CCDC149: variants seen among roughly 807,000 people sequenced by gnomAD.
The protein encoded by CCDC149 is coiled-coil domain containing 149.
A neutral mutation model predicts 59.9 loss-of-function variants in CCDC149; 45 were observed. The ratio of observed to expected loss-of-function variants is 0.75; its 90% CI spans 0.59 to 0.96. CCDC149 has a LOEUF of 0.96. Ranked by LOEUF, CCDC149 falls within the 40% of genes least tolerant of loss-of-function variation. The probability of loss-of-function intolerance (pLI) is 0.00; values close to 1 mark genes in which losing one functional copy is unlikely to be tolerated. For missense variants in CCDC149, 584 were observed against 664.7 expected, an observed-to-expected ratio of 0.88 and a Z score of 1.33; for synonymous variants, 245 against 260.6, an observed-to-expected ratio of 0.94 and a Z score of 0.58.
chr4:24,884,432 C>T (rs1438213511), intron 1 of CCDC149, among the ~76,000 whole-genome samples: 1 of 152,138 alleles, frequency 6.6e-6, no homozygotes, highest in Non-Finnish European at 1.5e-5. Flanking sequence ...GATGAAATTG[C>T]ATAACAAAGC....
intron 2 of CCDC149, among the ~76,000 whole-genome samples, 198 bp downstream of exon 2, chr4:24,876,338 C>G (rs867881316): frequency 0.021 from 2,453 of 119,310 alleles, 49 homozygotes; most frequent in African/African-American, 0.087. Context: ...CACACACACA[C>G]ACAGAGAGAG....
intron 1 of CCDC149, among the ~76,000 whole-genome samples, chr4:24,978,531 G>A (rs577679186): frequency 6.6e-6 from 1 of 152,140 alleles, no homozygotes; most frequent in Non-Finnish European, 1.5e-5. Context: ...GGCGTGGGAG[G>A]TCAGTGAATT....
chr4:24,813,489 A>AATATATCTATATCTATATCTATCT (rs1186488610), intron 12 of CCDC149, among the ~76,000 whole-genome samples: 138 of 113,722 alleles, frequency 1.2e-3, no homozygotes, highest in African/African-American at 5.5e-3. Context: ...CAGCTTGGGG[A>AATATATCTATATCTATATCTATCT]ATATATATAT....
At chr4:24,961,978 A>G (rs1723646342) in intron 1 of CCDC149, among the ~76,000 whole-genome samples, 1 of 151,366 alleles carries the variant, frequency 6.6e-6, no homozygotes, top group Non-Finnish European at 1.5e-5. Flanking sequence ...ATTCAACTAA[A>G]GAGCTTCTGC....
chr4:24,834,894 C>T, intron 8 of CCDC149, 54 bp downstream of exon 8: 1 of 1,342,910 alleles, frequency 7.4e-7, no homozygotes, highest in Non-Finnish European at 1.1e-6. Context: ...TGTGGGCTTG[C>T]AGCTCTAGTA....
At chr4:24,943,804 A>C (rs548224399) in intron 1 of CCDC149, among the ~76,000 whole-genome samples, 51 of 152,374 alleles carry the variant, frequency 3.3e-4, no homozygotes, top group Admixed American at 2.5e-3. Flanking sequence ...CAAAAAACAC[A>C]TGAAACAATG....
intron 4 of CCDC149, among the ~76,000 whole-genome samples, chr4:24,849,397 T>G (rs759672403): frequency 2.0e-5 from 3 of 152,176 alleles, no homozygotes; most frequent in Non-Finnish European, 4.4e-5. Context: ...ACATCTCTCA[T>G]CTGGTTTGGC....
chr4:24,878,216 T>TAAAA (rs66494953), intron 1 of CCDC149, among the ~76,000 whole-genome samples: 296 of 125,090 alleles, frequency 2.4e-3, no homozygotes, highest in African/African-American at 8.3e-3. Flanking sequence ...TTTTTTTTCC[T>TAAAA]AAAAAAAAAA....
chr4:24,854,018 T>G (rs1717846171), intron 3 of CCDC149, among the ~76,000 whole-genome samples: 1 of 152,146 alleles, frequency 6.6e-6, no homozygotes, highest in Non-Finnish European at 1.5e-5. Context: ...CCCTCCGGTC[T>G]CCATGGCCAG....
chr4:24,898,756 A>T (rs1236265848), intron 1 of CCDC149, among the ~76,000 whole-genome samples: 1 of 152,152 alleles, frequency 6.6e-6, no homozygotes, highest in Non-Finnish European at 1.5e-5. Context: ...CTCATTGCCC[A>T]ACCTCTTGGG....
At chr4:24,876,848 T>G (rs1416903556) in intron 1 of CCDC149, among the ~76,000 whole-genome samples, 151 bp from the exon 2 acceptor site, 1 of 152,210 alleles carries the variant, frequency 6.6e-6, no homozygotes, top group African/African-American at 2.4e-5. Flanking sequence ...GCAAATGACA[T>G]GTACTTCAGG....
At chr4:24,810,255 G>T (rs376480942) in intron 12 of CCDC149, among the ~76,000 whole-genome samples, 1 of 152,298 alleles carries the variant, frequency 6.6e-6, no homozygotes, top group African/African-American at 2.4e-5. Flanking sequence ...GACTCATCCA[G>T]TGTCTGACAC....
chr4:24,826,495 A>G (rs115542347), intron 9 of CCDC149, among the ~76,000 whole-genome samples: 653 of 152,258 alleles, frequency 4.3e-3, no homozygotes, highest in African/African-American at 0.015. Context: ...AGATCTGTGC[A>G]GACACAACGG....
At chr4:24,847,541 G>A (rs1294024849) in intron 4 of CCDC149, among the ~76,000 whole-genome samples, 2 of 152,304 alleles carry the variant, frequency 1.3e-5, no homozygotes, top group East Asian at 3.9e-4. Context: ...GCTTTGATGT[G>A]TCCTCAGATG....
chr4:24,916,629 A>T (rs1388423462), upstream of CCDC149, among the ~76,000 whole-genome samples: 1 of 152,162 alleles, frequency 6.6e-6, no homozygotes, highest in Admixed American at 6.5e-5. Context: ...AAGGAAACTA[A>T]GCAAATCTCC....
intron 12 of CCDC149, among the ~76,000 whole-genome samples, chr4:24,819,133 C>T (rs1416886765): frequency 6.6e-6 from 1 of 152,224 alleles, no homozygotes; most frequent in East Asian, 1.9e-4. Flanking sequence ...AGGAGCTTTT[C>T]TCTCTATTCT....
Position 24,837,372 on chromosome 4 carries a change from G to A in CCDC149, c.518C>T (p.Ala173Val). 6.2e-7 allele frequency: 1 copy of A among 1,614,184 alleles called. No homozygotes were observed. The highest frequency in any genetic ancestry group is 8.5e-7 in the Non-Finnish European group (1 of 1,180,026). The change falls in exon 6 of 13, where the codon GCT becomes GTT. Residue 173 changes from alanine (A) to valine (V), a missense_variant. Ala to Val is a moderately conservative substitution (Grantham distance 64). Transcript: ENST00000635206. This position sits in a 1 kb window ranked among gnomAD's most constrained non-coding sequence, Gnocchi z 4.3. ...AACATCCTGAAGCTCGTCCACAGAAGCCTGCAGGTCGTGCTCCAGAGACTC... is the reference window on the plus strand; with the variant it reads ...AACATCCTGAAGCTCGTCCACAGAAACCTGCAGGTCGTGCTCCAGAGACTC...
upstream of CCDC149, among the ~76,000 whole-genome samples, chr4:24,918,041 G>T (rs1458549055): frequency 6.6e-6 from 1 of 151,754 alleles, no homozygotes; most frequent in African/African-American, 2.4e-5. Flanking sequence ...CGTTCTGGAA[G>T]CCTTATGAAA....
chr4:24,917,632 T>C (rs928497431), upstream of CCDC149, among the ~76,000 whole-genome samples: 3 of 151,140 alleles, frequency 2.0e-5, no homozygotes, highest in Admixed American at 6.6e-5. Flanking sequence ...TAAAGAACCA[T>C]GGGAGGAGAG....
Sources: gnomAD v4.1 joint callset for allele counts (sites outside exome capture counted in the v4.1 genomes callset) on GRCh38, gnomAD v4.1.1 for gene constraint, Gnocchi (gnomAD v3.1) non-coding constraint, MANE v1.5 for transcripts, NCBI Gene and HGNC (gene_info 2026-07-23, HGNC 2026-07-21) for gene names.